LOXHD1: variants seen among roughly 807,000 people sequenced by gnomAD.
LOXHD1 encodes lipoxygenase homology PLAT domains 1, also known as lipoxygenase homology domain-containing protein 1.
In LOXHD1, 205 loss-of-function variants were observed where a neutral mutation model predicts 248.2. The ratio of observed to expected loss-of-function variants is 0.83; its 90% CI spans 0.74 to 0.93. LOXHD1 has a LOEUF of 0.93. Among genes scored for constraint, LOXHD1 ranks in the 40% least tolerant of loss-of-function variants. The pLI is 0.00. For synonymous variants in LOXHD1, 1,113 were observed against 1,162.8 expected (o/e 0.96, Z 0.87); for missense variants, 2,930 against 2,971.6 (o/e 0.99, Z 0.33).
chr18:46,574,382 T>TACAC (rs1470113953), intron 14 of LOXHD1, among the ~76,000 whole-genome samples: 3 of 58,560 alleles, frequency 5.1e-5, no homozygotes, highest in African/African-American at 1.4e-4. Flanking sequence ...TGTGTGTGTG[T>TACAC]ACACATACAC....
chr18:46,567,391 G>T (rs910199041), intron 16 of LOXHD1, among the ~76,000 whole-genome samples: 2 of 152,232 alleles, frequency 1.3e-5, no homozygotes, highest in Non-Finnish European at 2.9e-5. Context: ...TGGCAACAAC[G>T]TCAGAGCTAA....
intron 37 of LOXHD1, among the ~76,000 whole-genome samples, chr18:46,490,261 AAGAT>A (rs1185952556): frequency 6.6e-6 from 1 of 152,220 alleles, no homozygotes; most frequent in Non-Finnish European, 1.5e-5. Context: ...GAGACACAAA[AAGAT>A]AGACACACAC....
intron 3 of LOXHD1, among the ~76,000 whole-genome samples, 181 bp downstream of exon 3, chr18:46,641,775 A>G (rs2038965708): frequency 6.6e-6 from 1 of 152,220 alleles, no homozygotes. Flanking sequence ...CCCAAAAAAA[A>G]TGAATCTCCA....
At chr18:46,640,327 C>G (rs2038947125) in intron 3 of LOXHD1, among the ~76,000 whole-genome samples, 1 of 152,226 alleles carries the variant, frequency 6.6e-6, no homozygotes, top group Admixed American at 6.5e-5. Context: ...TCAACCGCCT[C>G]TCCCATTGCT....
chr18:46,552,892 CCCT>C (rs2037165242), intron 21 of LOXHD1, among the ~76,000 whole-genome samples: 1 of 152,094 alleles, frequency 6.6e-6, no homozygotes, highest in African/African-American at 2.4e-5. Context: ...CTGTGTGTGC[CCCT>C]CAATTGCCCA....
At chr18:46,618,380 T>C in intron 4 of LOXHD1, 90 bp from the exon 5 acceptor site, 1 of 815,208 alleles carries the variant, frequency 1.2e-6, no homozygotes, top group Admixed American at 2.1e-5. Context: ...CATCTACACT[T>C]ACCCCCAGCA....
In LOXHD1 at chr18:46,546,906, A is replaced by G; in HGVS notation, c.3503T>C (p.Leu1168Pro). 2 of 1,550,462 alleles carry G rather than the reference A, an allele frequency of 1.3e-6. No individual in the cohort carries two copies. Among genetic ancestry groups the G allele is most frequent in the African/African-American group, 2.7e-5 (2 of 73,140 alleles). Residue 1168 changes from leucine to proline, a missense_variant, in exon 22 of 41, where the codon CTG (leucine) becomes CCG (proline). Leu to Pro is a moderately conservative substitution (Grantham distance 98). Coordinates refer to ENST00000642948, the MANE Select transcript of LOXHD1 (RefSeq NM_001384474.1). Reference sequence around the variant, plus strand: ...CTAGTTTAGAAAACCTTTCTGCTCCAGGGCCAGGTTGTCGAGGGGGTTGTT... The same window carrying G: ...CTAGTTTAGAAAACCTTTCTGCTCCGGGGCCAGGTTGTCGAGGGGGTTGTT... ...GDNNPLDNLA[L>P]EQKDKSTTFS...
intron 6 of LOXHD1, 71 bp from the exon 7 acceptor site, chr18:46,604,300 T>G: frequency 1.3e-6 from 2 of 1,531,740 alleles, no homozygotes; most frequent in Non-Finnish European, 1.8e-6. Context: ...TCTAATCCAA[T>G]CTTCCAATCA....
chr18:46,577,765 C>G lies in LOXHD1; in HGVS notation c.1912G>C (p.Val638Leu). The G allele has an allele frequency of 6.4e-7, 1 of 1,551,708 alleles. No homozygotes were observed. The highest frequency in any genetic ancestry group is 2.4e-5 in the East Asian group (1 of 40,920). The change falls in exon 14 of 41, where the codon GTG becomes CTG. Residue 638 changes from valine to leucine, a missense_variant. By Grantham distance (32) the Val-to-Leu change is conservative (BLOSUM62 1). Transcript: ENST00000642948. ...GSGSGWYLDR[V>L]LVREEGQPES... ...GGCTGCCCCTCCTCTCTCACCAGCACTCTGTCCAGGTACCAGCCGCTGCCG... is the reference window on the plus strand; with the variant it reads ...GGCTGCCCCTCCTCTCTCACCAGCAGTCTGTCCAGGTACCAGCCGCTGCCG...
intron 21 of LOXHD1, among the ~76,000 whole-genome samples, chr18:46,550,052 C>T (rs200331568): frequency 2.0e-5 from 3 of 152,170 alleles, no homozygotes; most frequent in African/African-American, 7.2e-5. Flanking sequence ...ATTTAATCAA[C>T]AAGCCAATAA....
At chr18:46,528,603 G>T (rs1335219744) in intron 29 of LOXHD1, among the ~76,000 whole-genome samples, 9 of 152,156 alleles carry the variant, frequency 5.9e-5, no homozygotes, top group African/African-American at 1.9e-4. Flanking sequence ...CTGGGAGGGA[G>T]TGGGGTGTCC....
At chr18:46,550,988 A>G (rs1433996827) in intron 21 of LOXHD1, among the ~76,000 whole-genome samples, 1 of 152,204 alleles carries the variant, frequency 6.6e-6, no homozygotes, top group East Asian at 1.9e-4. Flanking sequence ...CCCCTGGCAT[A>G]CAAGGCACTC....
At chr18:46,555,187 G>A (rs2037272965) in intron 21 of LOXHD1, 1 of 470,966 alleles carries the variant, frequency 2.1e-6, no homozygotes, top group African/African-American at 2.0e-5. Context: ...TCATGGTTCT[G>A]TGGCACTTTT....
intron 37 of LOXHD1, among the ~76,000 whole-genome samples, chr18:46,489,501 C>A (rs1470472040): frequency 6.6e-6 from 1 of 152,048 alleles, no homozygotes; most frequent in Admixed American, 6.6e-5. Flanking sequence ...GATCTCTGAC[C>A]CAAAATAGAA....
chr18:46,533,838 A>T, intron 27 of LOXHD1: 1 of 195,820 alleles, frequency 5.1e-6, no homozygotes, highest in Non-Finnish European at 1.1e-5. Flanking sequence ...AGGCGGGAGA[A>T]TTGCTTGAAC....
At chr18:46,597,058 C>T (rs1276255426) in intron 8 of LOXHD1, among the ~76,000 whole-genome samples, 1 of 152,064 alleles carries the variant, frequency 6.6e-6, no homozygotes, top group East Asian at 1.9e-4. Context: ...GAACAAGCAA[C>T]TCTATAAAAC....
intron 4 of LOXHD1, among the ~76,000 whole-genome samples, chr18:46,638,665 AAT>A (rs2038923159): frequency 6.6e-6 from 1 of 152,186 alleles, no homozygotes; most frequent in Non-Finnish European, 1.5e-5. Context: ...ATAAAAATAA[AAT>A]AATCAATGAA....
chr18:46,545,028 G>C (rs961783291), intron 23 of LOXHD1: 1 of 475,174 alleles, frequency 2.1e-6, no homozygotes, highest in African/African-American at 2.0e-5. Context: ...CTCATACTGA[G>C]AGTATCATGG....
chr18:46,635,081 G>A (rs1324447806), intron 4 of LOXHD1, among the ~76,000 whole-genome samples: 1 of 152,008 alleles, frequency 6.6e-6, no homozygotes, highest in Non-Finnish European at 1.5e-5. Context: ...CTTGGGAAGG[G>A]ACCACAAAAA....
Sources: gnomAD v4.1 joint callset for allele counts (sites outside exome capture counted in the v4.1 genomes callset) on GRCh38, gnomAD v4.1.1 for gene constraint, MANE v1.5 for transcripts, NCBI Gene and HGNC (gene_info 2026-07-23, HGNC 2026-07-21) for gene names.